Variants in NEBL observed in about 807,000 individuals in gnomAD.
NEBL encodes LIM and SH3 protein 2.
In NEBL, 122 loss-of-function variants were observed where a neutral mutation model predicts 140.2. The ratio of observed to expected loss-of-function variants is 0.87; its 90% CI spans 0.75 to 1.01. The LOEUF is 1.01. NEBL is among the 50% of genes least tolerant of loss of function. NEBL has a pLI of 0.00. For missense variants in NEBL, 1,365 were observed against 1,231.3 expected (o/e 1.11, Z -1.62); for synonymous variants, 436 against 398.9 (o/e 1.09, Z -1.11).
intron 13 of NEBL, among the ~76,000 whole-genome samples, chr10:20,840,258 C>T (rs926296472): frequency 2.0e-5 from 3 of 152,086 alleles, no homozygotes; most frequent in African/African-American, 7.2e-5. Context: ...ACTGAAAACA[C>T]TTCAGAGACA....
chr10:21,292,150 A>G (rs1037962381), intron 1 of NEBL, among the ~76,000 whole-genome samples: 1 of 152,124 alleles, frequency 6.6e-6, no homozygotes, highest in Non-Finnish European at 1.5e-5. Context: ...TTTTCTCTTC[A>G]AAGAGGATAT....
At chr10:20,984,901 T>C (rs1489186215) in intron 3 of NEBL, among the ~76,000 whole-genome samples, 1 of 152,124 alleles carries the variant, frequency 6.6e-6, no homozygotes, top group African/African-American at 2.4e-5. Flanking sequence ...TGGCATTAGA[T>C]TCTCATAGGA....
At chr10:21,191,516 T>G (rs1841573545) in intron 3 of NEBL, among the ~76,000 whole-genome samples, 1 of 152,178 alleles carries the variant, frequency 6.6e-6, no homozygotes, top group Non-Finnish European at 1.5e-5. Flanking sequence ...TCAAAATTTT[T>G]CCTATCAATG....
intron 3 of NEBL, among the ~76,000 whole-genome samples, chr10:20,993,488 C>T (rs181887831): frequency 4.8e-4 from 73 of 152,316 alleles, no homozygotes; most frequent in African/African-American, 1.5e-3. Flanking sequence ...TAGGCATTCA[C>T]GCGTCTTGCT....
intron 26 of NEBL, among the ~76,000 whole-genome samples, chr10:20,790,365 G>C (rs1588600118): frequency 1.3e-5 from 2 of 151,998 alleles, no homozygotes; most frequent in African/African-American, 4.8e-5. Flanking sequence ...CACTTTGGTA[G>C]GCTGAGGTGG....
At chr10:21,048,493 T>C (rs938661933) in intron 2 of NEBL, among the ~76,000 whole-genome samples, 3 of 121,794 alleles carry the variant, frequency 2.5e-5, no homozygotes, top group Non-Finnish European at 5.3e-5. Flanking sequence ...AGAGAAACAA[T>C]AGATTTAGCA....
chr10:21,132,447 T>C (rs1277181545), intron 2 of NEBL, among the ~76,000 whole-genome samples: 1 of 152,216 alleles, frequency 6.6e-6, no homozygotes, highest in Non-Finnish European at 1.5e-5. Context: ...TCTGTGAACA[T>C]TCATGTACAA....
intron 2 of NEBL, among the ~76,000 whole-genome samples, chr10:21,041,053 A>G (rs181309314): frequency 2.0e-4 from 31 of 152,310 alleles, no homozygotes; most frequent in Admixed American, 4.6e-4. Flanking sequence ...AAGAACTAAC[A>G]CACTTTCCAA....
chr10:21,000,572 A>G (rs1461918104), intron 3 of NEBL, among the ~76,000 whole-genome samples: 1 of 152,134 alleles, frequency 6.6e-6, no homozygotes, highest in African/African-American at 2.4e-5. Context: ...GCCTTTGCAA[A>G]GGAAGGAGCA....
intron 2 of NEBL, among the ~76,000 whole-genome samples, chr10:21,116,980 C>T (rs59559502): frequency 0.014 from 2,180 of 151,996 alleles, 48 homozygotes; most frequent in African/African-American, 0.049. Context: ...CCTGAATGAC[C>T]GGTAATTTTT....
At chr10:21,204,005 T>C (rs1752554395) in intron 3 of NEBL, among the ~76,000 whole-genome samples, 3 of 152,230 alleles carry the variant, frequency 2.0e-5, no homozygotes, top group Admixed American at 6.5e-5. Flanking sequence ...CCCAGTCAGA[T>C]TCCCCAAGAG....
chr10:20,801,041 C>G (rs748320778), intron 26 of NEBL, among the ~76,000 whole-genome samples: 4 of 152,122 alleles, frequency 2.6e-5, no homozygotes, highest in Non-Finnish European at 5.9e-5. Flanking sequence ...TAGTTCCAGA[C>G]TTCTTCTTCA....
At chr10:21,072,338 CT>C (rs896318631) in intron 2 of NEBL, among the ~76,000 whole-genome samples, 36 of 152,284 alleles carry the variant, frequency 2.4e-4, no homozygotes, top group African/African-American at 7.9e-4. Context: ...CCAGCACGTG[CT>C]TATCTCAAGT....
At chr10:21,254,585 A>G (rs1842630920) in intron 1 of NEBL, among the ~76,000 whole-genome samples, 1 of 152,166 alleles carries the variant, frequency 6.6e-6, no homozygotes, top group Non-Finnish European at 1.5e-5. Flanking sequence ...CTGGTATTAC[A>G]GGTGTGCACC....
intron 18 of NEBL, 73 bp from the exon 19 acceptor site, chr10:20,823,373 T>TATGCAATA: frequency 9.2e-7 from 1 of 1,081,858 alleles, no homozygotes; most frequent in Non-Finnish European, 1.4e-6. Context: ...ATTCTTCAAT[T>TATGCAATA]GTAACTATTG....
intron 3 of NEBL, among the ~76,000 whole-genome samples, chr10:21,201,866 C>A (rs960190050): frequency 1.3e-5 from 2 of 152,148 alleles, no homozygotes; most frequent in African/African-American, 4.8e-5. Context: ...TAATGTCACG[C>A]ACAATTTTTA....
At chr10:20,952,372 G>A (rs1162354562) in intron 4 of NEBL, among the ~76,000 whole-genome samples, 1 of 150,098 alleles carries the variant, frequency 6.7e-6, no homozygotes. Context: ...AGGAGGCAGA[G>A]GTTGCCATGA....
intron 1 of NEBL, among the ~76,000 whole-genome samples, chr10:21,269,425 G>A (rs967145837): frequency 2.6e-5 from 4 of 152,176 alleles, no homozygotes; most frequent in Non-Finnish European, 5.9e-5. Context: ...GGGCTTCTTG[G>A]GAAATAGTCT....
chr10:20,979,199 C>T (rs1338687646), intron 3 of NEBL, among the ~76,000 whole-genome samples: 1 of 152,064 alleles, frequency 6.6e-6, no homozygotes, highest in African/African-American at 2.4e-5. Flanking sequence ...GGGAGGACTG[C>T]TTGAGACCAG....
Sources: allele counts gnomAD v4.1 joint callset (sites outside exome capture counted in the v4.1 genomes callset), GRCh38; gene constraint gnomAD v4.1.1; transcripts MANE v1.5; gene names NCBI Gene and HGNC (gene_info 2026-07-23, HGNC 2026-07-21).